LRRC28: variants seen among roughly 807,000 people sequenced by gnomAD.
The protein encoded by LRRC28 is leucine-rich repeat-containing protein 28.
In LRRC28, 39 loss-of-function variants were observed where a neutral mutation model predicts 45.7. The observed-to-expected ratio is 0.85, with a 90% CI of 0.66 to 1.12. LRRC28 has a LOEUF of 1.12. Among genes scored for constraint, LRRC28 ranks in the 50% most tolerant of loss-of-function variants. The pLI, the probability that LRRC28 is intolerant of heterozygous loss-of-function variation, is 0.00. For synonymous variants in LRRC28, 206 were observed against 178.8 expected (o/e 1.15, Z -1.22); for missense variants, 435 against 438.5 (o/e 0.99, Z 0.07).
intron 5 of LRRC28, chr15:99,320,682 T>G (rs1444017958): frequency 6.6e-6 from 1 of 152,198 alleles, no homozygotes; most frequent in East Asian, 1.9e-4. Context: ...TCAGACTTAC[T>G]GGATCATGAT....
At chr15:99,361,073 A>G in intron 7 of LRRC28, 1 of 315,060 alleles carries the variant, frequency 3.2e-6, no homozygotes, top group Non-Finnish European at 5.7e-6. Context: ...ACGGCCTAAG[A>G]AGGAAAGTTC....
At chr15:99,268,997 T>G (rs1338501666) in intron 2 of LRRC28, among the ~76,000 whole-genome samples, 1 of 152,222 alleles carries the variant, frequency 6.6e-6, no homozygotes, top group East Asian at 1.9e-4. Flanking sequence ...GTTTTTTCTT[T>G]TGAAAAATCT....
chr15:99,355,711 TG>T (rs1447853915), intron 7 of LRRC28: 3 of 151,032 alleles, frequency 2.0e-5, no homozygotes. Context: ...CTCTACAGGA[TG>T]TTTTTTCCAA....
chr15:99,298,626 G>A (rs1392026669), intron 5 of LRRC28, among the ~76,000 whole-genome samples: 2 of 152,108 alleles, frequency 1.3e-5, no homozygotes, highest in Admixed American at 6.5e-5. Context: ...TTAAAAACCT[G>A]ATAAATATAG....
chr15:99,370,654 G>A (rs987117541), intron 9 of LRRC28, among the ~76,000 whole-genome samples: 1 of 152,076 alleles, frequency 6.6e-6, no homozygotes, highest in African/African-American at 2.4e-5. Flanking sequence ...TATTAAAAAA[G>A]AAAAGGAAAG....
At chr15:99,307,815 A>G (rs1399569295) in intron 5 of LRRC28, among the ~76,000 whole-genome samples, 1 of 152,230 alleles carries the variant, frequency 6.6e-6, no homozygotes, top group Admixed American at 6.5e-5. Flanking sequence ...AATATGTTAT[A>G]CTTGTTAACA....
At chr15:99,334,402 A>AGTGTGTGTGTGTGTGT (rs57298947) in intron 6 of LRRC28, among the ~76,000 whole-genome samples, 17 of 144,694 alleles carry the variant, frequency 1.2e-4, no homozygotes, top group African/African-American at 3.1e-4. Flanking sequence ...GGAATTAAAG[A>AGTGTGTGTGTGTGTGT]GTGTGTGTGT....
chr15:99,254,275 T>TA (rs1453528173), intron 1 of LRRC28, among the ~76,000 whole-genome samples: 1 of 152,224 alleles, frequency 6.6e-6, no homozygotes, highest in African/African-American at 2.4e-5. Flanking sequence ...ATTGGATCCT[T>TA]ACGTTGCTTT....
At position 99,386,294 on chromosome 15, in the gene LRRC28, G is replaced by C; in HGVS notation, c.*192G>C. On this transcript the variant is annotated 3_prime_UTR_variant, in exon 10 of 10. Coordinates refer to ENST00000301981, the MANE Select transcript of LRRC28 (RefSeq NM_144598.5). The stretch of plus-strand genomic sequence containing the variant: ...TGGAATATATCCTCCCCCAAATTAA[G>C]GACCCATTTGTCTTCTGTGTTTTTC... The C allele has an allele frequency of 1.9e-6, 1 of 520,086 alleles. No individual in the cohort carries two copies. The highest frequency in any genetic ancestry group is 2.9e-5 in the East Asian group (1 of 34,102). 32.2% of individuals were successfully genotyped at this position (520,086 alleles called of 1,614,324 possible). A position where few individuals can be genotyped will look rare whatever the true frequency, so the allele number is the denominator to read the frequency against.
At chr15:99,269,917 G>A (rs1005694029) in intron 2 of LRRC28, among the ~76,000 whole-genome samples, 1 of 152,146 alleles carries the variant, frequency 6.6e-6, no homozygotes, top group African/African-American at 2.4e-5. Flanking sequence ...GGACCCTGAA[G>A]GCATTTATGC....
chr15:99,311,146 G>T (rs1333777227), intron 5 of LRRC28, among the ~76,000 whole-genome samples: 1 of 152,128 alleles, frequency 6.6e-6, no homozygotes, highest in East Asian at 1.9e-4. Flanking sequence ...AGCTAAAGGG[G>T]ACTGGGAGGG....
At chr15:99,307,751 C>T (rs1597305020) in intron 5 of LRRC28, among the ~76,000 whole-genome samples, 2 of 152,210 alleles carry the variant, frequency 1.3e-5, no homozygotes, top group Non-Finnish European at 2.9e-5. Context: ...CAACACTCAT[C>T]TCAGTTTTAA....
At chr15:99,341,679 A>G (rs1956517597) in intron 6 of LRRC28, among the ~76,000 whole-genome samples, 2 of 152,206 alleles carry the variant, frequency 1.3e-5, no homozygotes, top group Non-Finnish European at 2.9e-5. Flanking sequence ...ATCAATTAAG[A>G]GAAAAAGAAA....
At chr15:99,330,967 T>A (rs1956141788) in intron 5 of LRRC28, among the ~76,000 whole-genome samples, 1 of 152,144 alleles carries the variant, frequency 6.6e-6, no homozygotes, top group Non-Finnish European at 1.5e-5. Context: ...ATCTTTGTCT[T>A]TTATAGTTTG....
chr15:99,364,447 G>T (rs1342272145), intron 9 of LRRC28, among the ~76,000 whole-genome samples: 2 of 152,044 alleles, frequency 1.3e-5, no homozygotes, highest in Non-Finnish European at 2.9e-5. Context: ...AATGTTTCCT[G>T]CTTACAGGAG....
intron 5 of LRRC28, among the ~76,000 whole-genome samples, chr15:99,321,761 C>G (rs548751153): frequency 4.6e-5 from 7 of 152,292 alleles, no homozygotes; most frequent in African/African-American, 1.7e-4. Flanking sequence ...GTGCACCTAC[C>G]ATGTGCTAGA....
intron 1 of LRRC28, 54 bp downstream of exon 1, chr15:99,251,595 C>G (rs2080784693): frequency 6.6e-6 from 1 of 152,340 alleles, no homozygotes; most frequent in Non-Finnish European, 1.5e-5. Context: ...GCTCTCTGAC[C>G]CGGCCCCCCG....
rs372953466 is a variant in LRRC28, at chr15:99,280,028, T to C, written c.209+3412T>C. 1.8e-4 allele frequency among the ~76,000 whole-genome samples: 28 copies of C among 152,318 alleles called. No homozygotes were observed. In the South Asian group the frequency reaches 5.8e-3, roughly 32 times the overall value. On this transcript the variant is annotated intron_variant, in intron 3 of 9. Coordinates refer to ENST00000301981, the MANE Select transcript of LRRC28 (RefSeq NM_144598.5). ...GGATAGATATGTGGTTTTTATGACATTGGAATTTCCATTTGTATTTCTAGA... is the reference window on the plus strand; with the variant it reads ...GGATAGATATGTGGTTTTTATGACACTGGAATTTCCATTTGTATTTCTAGA...
chr15:99,268,055 G>T (rs543406872), intron 2 of LRRC28, among the ~76,000 whole-genome samples: 2 of 152,226 alleles, frequency 1.3e-5, no homozygotes, highest in South Asian at 4.1e-4. Context: ...CAAAAATAAG[G>T]TCTCCTAATT....
Sources: allele counts gnomAD v4.1 joint callset (sites outside exome capture counted in the v4.1 genomes callset), GRCh38; gene constraint gnomAD v4.1.1; transcripts MANE v1.5; gene names NCBI Gene and HGNC (gene_info 2026-07-23, HGNC 2026-07-21).